The following IL1RAPL1 variants were observed in gnomAD, a reference collection of about 807,000 sequenced individuals.
The protein encoded by IL1RAPL1 is interleukin-1 receptor accessory protein-like 1.
IL1RAPL1 carries 3 observed loss-of-function variants against 48.4 expected under a neutral mutation model. That is an observed-to-expected ratio of 0.06 (90% confidence interval 0.03 to 0.16). IL1RAPL1 has a LOEUF of 0.16. Ranked by LOEUF, IL1RAPL1 falls within the 10% of genes least tolerant of loss-of-function variation. IL1RAPL1 has a pLI of 1.00. For missense variants in IL1RAPL1, 349 were observed against 530.6 expected, an observed-to-expected ratio of 0.66 and a Z score of 3.36; for synonymous variants, 185 against 187.7, an observed-to-expected ratio of 0.99 and a Z score of 0.12.
At chrX:28,911,628 C>T (rs747134786) in intron 2 of IL1RAPL1, among the ~76,000 whole-genome samples, 4 of 110,946 alleles carry the variant, frequency 3.6e-5, no homozygotes, top group African/African-American at 6.5e-5. Flanking sequence ...AAAGATTGGT[C>T]GTTTAATGGT....
At chrX:28,677,564 G>A (rs1231798890) in intron 1 of IL1RAPL1, among the ~76,000 whole-genome samples, 1 of 111,333 alleles carries the variant, frequency 9.0e-6, no homozygotes, top group Non-Finnish European at 1.9e-5. Context: ...TGTGTGTCAT[G>A]CATACTTTCA....
At chrX:29,038,356 G>A (rs1403605809) in intron 2 of IL1RAPL1, among the ~76,000 whole-genome samples, 1 of 111,749 alleles carries the variant, frequency 8.9e-6, no homozygotes, top group Non-Finnish European at 1.9e-5. Context: ...TAGAAAGCAT[G>A]CATCTTGGAT....
intron 5 of IL1RAPL1, among the ~76,000 whole-genome samples, chrX:29,455,518 T>C (rs1022109015): frequency 1.8e-5 from 2 of 112,152 alleles, no homozygotes; most frequent in African/African-American, 6.5e-5. Flanking sequence ...AAGGAACTTT[T>C]ACCTTGAAAG....
Position 29,396,402 on chromosome X carries a change from T to G in IL1RAPL1, c.507T>G (p.Asp169Glu). 1.7e-6 allele frequency: 2 copies of G among 1,211,571 alleles called. No homozygotes were observed. Among genetic ancestry groups the G allele is most frequent in the South Asian group, 3.5e-5 (2 of 57,018 alleles). ...AAATTTCATGCCGTGACATAGAGGA[T>G]TTTCTACTGCCAACCAGAGAACCTG... Reference protein sequence around the residue: ...SKEISCRDIEDFLLPTREPEI... With the variant: ...SKEISCRDIEEFLLPTREPEI... Residue 169 changes from aspartate (D) to glutamate (E), a missense_variant, in exon 4 of 11, where the codon GAT (aspartate) becomes GAG (glutamate). Asp to Glu is a conservative substitution (Grantham distance 45). Transcript: ENST00000378993.
intron 3 of IL1RAPL1, among the ~76,000 whole-genome samples, chrX:29,295,379 T>A (rs984005502): frequency 8.9e-6 from 1 of 111,886 alleles, no homozygotes; most frequent in Non-Finnish European, 1.9e-5. Context: ...TTTGAATAAA[T>A]AAAGGAAGGA....
At chrX:29,953,339 T>C (rs1252634378) in intron 9 of IL1RAPL1, among the ~76,000 whole-genome samples, 1 of 111,744 alleles carries the variant, frequency 8.9e-6, no homozygotes, top group Non-Finnish European at 1.9e-5. Context: ...AAAAAGGAAA[T>C]TGACCAAAGA....
At chrX:28,667,336 T>C (rs1277650866) in intron 1 of IL1RAPL1, among the ~76,000 whole-genome samples, 4 of 112,130 alleles carry the variant, frequency 3.6e-5, no homozygotes, top group Non-Finnish European at 7.5e-5. Context: ...ATAAATTTCA[T>C]GTTTCATGGT....
rs113112286 is a variant in IL1RAPL1 at position 28,939,111 on chromosome X, G to A, written c.82+149686G>A. On this transcript the variant is annotated intron_variant, in intron 2 of 10. Transcript: ENST00000378993. The stretch of plus-strand genomic sequence containing the variant: ...GAATATAAATTAGTTTAGCCATTGT[G>A]GAAAGCAGTGTGACGATTCCTCAAA... 2.0e-3 allele frequency among the ~76,000 whole-genome samples: 218 copies of A among 110,512 alleles called. 1 individual carries two copies. The highest frequency in any genetic ancestry group is 9.3e-3 in the Middle Eastern group (2 of 216).
intron 2 of IL1RAPL1, among the ~76,000 whole-genome samples, chrX:29,056,602 A>G (rs1413887953): frequency 8.9e-6 from 1 of 111,872 alleles, no homozygotes; most frequent in East Asian, 2.8e-4. Context: ...ACTGTTATTC[A>G]TTTTCAGACA....
chrX:29,578,971 G>C, intron 5 of IL1RAPL1, among the ~76,000 whole-genome samples: 1 of 112,000 alleles, frequency 8.9e-6, no homozygotes, highest in African/African-American at 3.2e-5. Flanking sequence ...AGTGTCAGCT[G>C]TTGGTCATCA....
intron 2 of IL1RAPL1, among the ~76,000 whole-genome samples, chrX:28,840,500 G>A (rs1338138648): frequency 9.1e-6 from 1 of 110,348 alleles, no homozygotes; most frequent in African/African-American, 3.3e-5. Context: ...GGTAAATGGG[G>A]TATCTATCAC....
At chrX:29,467,857 TTTTA>T (rs1934880767) in intron 5 of IL1RAPL1, among the ~76,000 whole-genome samples, 1 of 111,351 alleles carries the variant, frequency 9.0e-6, no homozygotes, top group African/African-American at 3.3e-5. Flanking sequence ...TTATTTTTAT[TTTTA>T]TTTATTTTAT....
chrX:29,091,671 C>T (rs1046370004), intron 2 of IL1RAPL1, among the ~76,000 whole-genome samples: 7 of 111,041 alleles, frequency 6.3e-5, no homozygotes, highest in African/African-American at 2.3e-4. Context: ...AAAATAAATA[C>T]ATGCCTGATA....
intron 8 of IL1RAPL1, among the ~76,000 whole-genome samples, chrX:29,937,494 A>G (rs1933052148): frequency 8.9e-6 from 1 of 112,384 alleles, no homozygotes. Flanking sequence ...TAGGTAGCGC[A>G]TGTATTAATG....
At chrX:29,465,211 C>T (rs1431679169) in intron 5 of IL1RAPL1, among the ~76,000 whole-genome samples, 1 of 110,974 alleles carries the variant, frequency 9.0e-6, no homozygotes, top group Admixed American at 9.6e-5. Context: ...TTAAGGCCAG[C>T]CTGGGCAACA....
At chrX:29,100,412 C>T (rs1199358473) in intron 2 of IL1RAPL1, among the ~76,000 whole-genome samples, 2 of 111,084 alleles carry the variant, frequency 1.8e-5, no homozygotes, top group African/African-American at 6.6e-5. Context: ...CTGGAGCTTG[C>T]CTCCCTTGAA....
intron 2 of IL1RAPL1, among the ~76,000 whole-genome samples, chrX:29,167,201 T>C (rs1459577895): frequency 9.0e-6 from 1 of 111,147 alleles, no homozygotes; most frequent in Non-Finnish European, 1.9e-5. Context: ...GTGCCTATTT[T>C]ATTTTTTACA....
At chrX:29,208,408 G>A (rs66512161) in intron 2 of IL1RAPL1, among the ~76,000 whole-genome samples, 11,576 of 110,899 alleles carry the variant, frequency 0.1, 695 homozygotes, top group East Asian at 0.38. Context: ...TTAGTTGGTT[G>A]GATTTAAAAG....
At chrX:28,833,995 T>C (rs755065039) in intron 2 of IL1RAPL1, among the ~76,000 whole-genome samples, 27 of 112,444 alleles carry the variant, frequency 2.4e-4, no homozygotes, top group African/African-American at 8.0e-4. Context: ...ATAACCACTT[T>C]CAAATTATTT....
Sources: gnomAD v4.1 joint callset for allele counts (sites outside exome capture counted in the v4.1 genomes callset) on GRCh38, gnomAD v4.1.1 for gene constraint, MANE v1.5 for transcripts, NCBI Gene and HGNC (gene_info 2026-07-23, HGNC 2026-07-21) for gene names.